The following HPSE2 variants were observed in gnomAD, a reference collection of about 807,000 sequenced individuals.
HPSE2 encodes the protein inactive heparanase-2.
In HPSE2, 38 loss-of-function variants were observed where a neutral mutation model predicts 60.5. The observed-to-expected ratio is 0.63, with a 90% CI of 0.48 to 0.82. The LOEUF (loss-of-function observed/expected upper bound fraction) is 0.82, where lower values mean the gene tolerates loss of function less well. Among genes scored for constraint, HPSE2 ranks in the 40% least tolerant of loss-of-function variants. HPSE2 has a pLI of 0.00. For missense variants in HPSE2, 713 were observed against 740.4 expected, an observed-to-expected ratio of 0.96 and a Z score of 0.43; for synonymous variants, 295 against 293.2, an observed-to-expected ratio of 1.01 and a Z score of -0.06.
At chr10:98,980,150 CCTAAGTGCCCTTGGACAA>C (rs2135296201) in intron 3 of HPSE2, among the ~76,000 whole-genome samples, 1 of 152,274 alleles carries the variant, frequency 6.6e-6, no homozygotes, top group African/African-American at 2.4e-5. Flanking sequence ...TACCATCCAA[CCTAAGTGCCCTTGGACAA>C]CTCTTAACAT....
At chr10:98,943,386 T>G (rs1436932823) in intron 3 of HPSE2, among the ~76,000 whole-genome samples, 3 of 152,104 alleles carry the variant, frequency 2.0e-5, no homozygotes, top group Non-Finnish European at 4.4e-5. Context: ...ATATATTACC[T>G]ATTAAAATAG....
intron 11 of HPSE2, among the ~76,000 whole-genome samples, chr10:98,462,070 G>A (rs143274108): frequency 1.6e-3 from 237 of 152,324 alleles, no homozygotes; most frequent in Admixed American, 1.6e-3. Context: ...CTGTAAGAAC[G>A]TTATATAGGC....
intron 3 of HPSE2, among the ~76,000 whole-genome samples, chr10:99,004,962 A>G (rs1956858889): frequency 6.6e-6 from 1 of 152,138 alleles, no homozygotes; most frequent in Admixed American, 6.5e-5. Context: ...TACTTTGAAT[A>G]TACCATTCCA....
chr10:98,923,530 A>C (rs1016006597), intron 3 of HPSE2, among the ~76,000 whole-genome samples: 3 of 151,864 alleles, frequency 2.0e-5, no homozygotes, highest in African/African-American at 7.3e-5. Context: ...TAACTCTTAG[A>C]TTTGTCCTTT....
At chr10:98,859,686 C>A (rs961254008) in intron 3 of HPSE2, among the ~76,000 whole-genome samples, 1 of 152,116 alleles carries the variant, frequency 6.6e-6, no homozygotes, top group African/African-American at 2.4e-5. Flanking sequence ...TTAATCATAG[C>A]CACCTCTGGT....
the HPSE2 span, among the ~76,000 whole-genome samples, chr10:99,304,504 C>A: frequency 3.3e-5 from 5 of 152,228 alleles, no homozygotes; most frequent in African/African-American, 1.2e-4. Flanking sequence ...CTTTCCTGGG[C>A]AAAGCCAAGA....
chr10:98,649,179 G>A (rs1369772516), intron 6 of HPSE2, among the ~76,000 whole-genome samples: 1 of 152,088 alleles, frequency 6.6e-6, no homozygotes, highest in Non-Finnish European at 1.5e-5. Flanking sequence ...CCTTCCCCTG[G>A]CCTCTTTTCA....
intron 3 of HPSE2, among the ~76,000 whole-genome samples, chr10:98,917,037 G>A (rs1167527978): frequency 6.6e-6 from 1 of 152,092 alleles, no homozygotes; most frequent in Admixed American, 6.6e-5. Flanking sequence ...GGCCTCACAT[G>A]GGGACTTGGC....
chr10:98,946,138 T>C (rs1416515279), intron 3 of HPSE2, among the ~76,000 whole-genome samples: 1 of 152,000 alleles, frequency 6.6e-6, no homozygotes, highest in African/African-American at 2.4e-5. Context: ...CCATAAAATA[T>C]TACACAAATC....
chr10:98,656,456 T>A (rs1307659065), intron 6 of HPSE2, among the ~76,000 whole-genome samples: 1 of 152,232 alleles, frequency 6.6e-6, no homozygotes, highest in East Asian at 1.9e-4. Context: ...ACTGTCCCTA[T>A]GCATGCCTCT....
At chr10:98,651,271 T>G (rs991227806) in intron 6 of HPSE2, among the ~76,000 whole-genome samples, 2 of 152,198 alleles carry the variant, frequency 1.3e-5, no homozygotes, top group Non-Finnish European at 2.9e-5. Flanking sequence ...CAAGCATGTG[T>G]GTAGATGTGT....
At chr10:99,211,829 C>T (rs904036035) in intron 2 of HPSE2, among the ~76,000 whole-genome samples, 1 of 151,824 alleles carries the variant, frequency 6.6e-6, no homozygotes, top group Non-Finnish European at 1.5e-5. Context: ...GAACAGGCAA[C>T]AAAATAAAAA....
chr10:98,939,923 G>C (rs1447805586), intron 3 of HPSE2, among the ~76,000 whole-genome samples: 1 of 143,796 alleles, frequency 7.0e-6, no homozygotes, highest in Non-Finnish European at 1.5e-5. Flanking sequence ...TCAGGATTAA[G>C]AAACTCACTC....
At chr10:98,606,568 T>C (rs1220726469) in intron 9 of HPSE2, among the ~76,000 whole-genome samples, 8 of 152,248 alleles carry the variant, frequency 5.3e-5, no homozygotes, top group African/African-American at 1.7e-4. Flanking sequence ...GCAGGTCTTC[T>C]GCCGTCAAAT....
intron 3 of HPSE2, among the ~76,000 whole-genome samples, chr10:99,074,663 C>A (rs1002208654): frequency 1.3e-5 from 2 of 152,104 alleles, no homozygotes; most frequent in Non-Finnish European, 2.9e-5. Flanking sequence ...TGGTAGAATT[C>A]ATCAGTGAAG....
chr10:98,790,440 C>A (rs1304911956), intron 3 of HPSE2, among the ~76,000 whole-genome samples: 1 of 151,946 alleles, frequency 6.6e-6, no homozygotes, highest in Non-Finnish European at 1.5e-5. Context: ...CTAAAAAAGT[C>A]GATCTCATAG....
At chr10:98,757,824 G>C (rs995261480) in intron 3 of HPSE2, among the ~76,000 whole-genome samples, 1 of 152,064 alleles carries the variant, frequency 6.6e-6, no homozygotes, top group African/African-American at 2.4e-5. Context: ...ATTTTCCACA[G>C]AATTAGAAAA....
intron 3 of HPSE2, among the ~76,000 whole-genome samples, chr10:99,088,970 A>G (rs1843422579): frequency 1.3e-5 from 2 of 152,082 alleles, no homozygotes; most frequent in South Asian, 4.1e-4. Context: ...GGCCATTTGT[A>G]TATCTTCTTT....
intron 2 of HPSE2, among the ~76,000 whole-genome samples, chr10:99,192,217 TAGAAA>T (rs1848246452): frequency 6.6e-6 from 1 of 152,022 alleles, no homozygotes; most frequent in African/African-American, 2.4e-5. Flanking sequence ...ATCCCAAACC[TAGAAA>T]AGAAATCAAT....
Sources: gnomAD v4.1 joint callset for allele counts (sites outside exome capture counted in the v4.1 genomes callset) on GRCh38, gnomAD v4.1.1 for gene constraint, MANE v1.5 for transcripts, NCBI Gene and HGNC (gene_info 2026-07-23, HGNC 2026-07-21) for gene names.